PTPRH: variants seen among roughly 807,000 people sequenced by gnomAD.
The protein encoded by PTPRH is receptor-type tyrosine-protein phosphatase H.
In PTPRH, 113 loss-of-function variants were observed where a neutral mutation model predicts 130.2. The observed-to-expected ratio is 0.87, with a 90% CI of 0.75 to 1.01. The LOEUF (loss-of-function observed/expected upper bound fraction) is 1.01. Among genes scored for constraint, PTPRH ranks in the 50% least tolerant of loss-of-function variants. PTPRH has a pLI of 0.00. For synonymous variants in PTPRH, 556 were observed against 577.9 expected (o/e 0.96, Z 0.54); for missense variants, 1,430 against 1,425.0 (o/e 1.00, Z -0.06).
In PTPRH at chr19:55,187,506, G is replaced by GACTC; in HGVS notation, c.2566+3_2566+6dup. The GACTC allele has an allele frequency of 6.2e-7, 1 of 1,608,500 alleles. No homozygotes were observed. Among genetic ancestry groups the GACTC allele is most frequent in the Non-Finnish European group, 8.5e-7 (1 of 1,175,444 alleles). On this transcript the variant is annotated splice_region_variant and intron_variant, in intron 14 of 19. Coordinates refer to ENST00000376350, the MANE Select transcript of PTPRH (RefSeq NM_002842.5). ...TGGGACAAAAGCAGCAGGAACCCGA[G>GACTC]ACTCACAGGGCAGCACATTTCTGTA...
At chr19:55,194,930 G>A (rs905197069) in intron 10 of PTPRH, among the ~76,000 whole-genome samples, 1 of 152,202 alleles carries the variant, frequency 6.6e-6, no homozygotes, top group African/African-American at 2.4e-5. Flanking sequence ...GCTCACACCT[G>A]TAATCCCAAC....
intron 10 of PTPRH, chr19:55,194,266 T>G: frequency 1.2e-5 from 16 of 1,289,664 alleles, no homozygotes; most frequent in Non-Finnish European, 1.6e-5. Flanking sequence ...TCATCAGCCT[T>G]GAAGGCCCCC....
intron 18 of PTPRH, among the ~76,000 whole-genome samples, chr19:55,184,259 G>A (rs1372507815): frequency 6.6e-6 from 1 of 151,856 alleles, no homozygotes; most frequent in East Asian, 1.9e-4. Flanking sequence ...ACTCCAGCCT[G>A]GGCAACAAGA....
chr19:55,198,515 A>T, intron 8 of PTPRH, 128 bp downstream of exon 8: 1 of 1,042,188 alleles, frequency 9.6e-7, no homozygotes, highest in Non-Finnish European at 1.3e-6. Context: ...CTACAGGTTT[A>T]AGCTCCGGCC....
intron 18 of PTPRH, 26 bp from the exon 19 acceptor site, chr19:55,182,177 A>C (rs1353464541): frequency 1.2e-6 from 2 of 1,609,960 alleles, no homozygotes; most frequent in East Asian, 4.5e-5. Context: ...GAAGGGTCAG[A>C]CCAAGGGGCA....
chr19:55,209,372 G>T lies in PTPRH; in HGVS notation c.51+11C>A, dbSNP rs923433541. The T allele has an allele frequency of 1.9e-6, 3 of 1,560,684 alleles. No individual in the cohort carries two copies. The Admixed American group carries it at 5.8e-5, about 30-fold the overall frequency. ...TGCCTTGGGAGCCCGCTCTGGGCGG[G>T]GAGCACTTACCAGCAGCACCAGGTT... On this transcript the variant is annotated intron_variant, in intron 1 of 19. Transcript: ENST00000376350. The surrounding 1 kb of genome is among the most constrained non-coding windows in gnomAD (Gnocchi z 4.1).
At chr19:55,192,926 G>A (rs1458212497) in intron 10 of PTPRH, among the ~76,000 whole-genome samples, 1 of 151,816 alleles carries the variant, frequency 6.6e-6, no homozygotes, top group African/African-American at 2.4e-5. Context: ...CAGGTGACCT[G>A]GTTGCTGAAG....
intron 9 of PTPRH, 115 bp from the exon 10 acceptor site, chr19:55,196,903 A>G (rs2086699954): frequency 1.5e-6 from 2 of 1,332,738 alleles, no homozygotes; most frequent in Admixed American, 4.7e-5. Context: ...AATCCAAACT[A>G]CCTCATCTTC....
At chr19:55,187,474 T>A in intron 14 of PTPRH, 39 bp downstream of exon 14, 1 of 1,545,552 alleles carries the variant, frequency 6.5e-7, no homozygotes, top group Non-Finnish European at 8.9e-7. Context: ...GCCGACTAGA[T>A]CAGGGCTGGG....
At chr19:55,207,269 G>A in intron 1 of PTPRH, 70 bp from the exon 2 acceptor site, 2 of 1,543,480 alleles carry the variant, frequency 1.3e-6, no homozygotes, top group Non-Finnish European at 1.8e-6. Flanking sequence ...CCGAGGGGCT[G>A]GGAGGAGCGG....
chr19:55,191,987 G>A (rs150152817), intron 10 of PTPRH: 16 of 645,942 alleles, frequency 2.5e-5, no homozygotes, highest in East Asian at 3.1e-5. Context: ...CCTACTCAAC[G>A]CGAAGACTAC....
chr19:55,198,855 A>G lies in PTPRH; in HGVS notation c.1478T>C (p.Leu493Ser), dbSNP rs752253808. 6.3e-7 allele frequency: 1 copy of G among 1,575,556 alleles called. No homozygotes were observed. Among genetic ancestry groups the G allele is most frequent in the South Asian group, 1.2e-5 (1 of 85,548 alleles). ...KQDWTNSTIA[L>S]RWTAPQGPGQ... ...TGGGCCCTGGGGAGCTGTCCAGCGC[A>G]AAGCAATGGTGCTGTTGGTCCAGTC... Residue 493 changes from leucine (L) to serine (S), a missense_variant, in exon 8 of 20, where the codon TTG becomes TCG. Physicochemically the swap from Leu to Ser is moderately radical, Grantham distance 145. Coordinates refer to ENST00000376350, the MANE Select transcript of PTPRH (RefSeq NM_002842.5).
intron 4 of PTPRH, among the ~76,000 whole-genome samples, chr19:55,204,592 C>T (rs562832914): frequency 1.3e-5 from 2 of 152,072 alleles, no homozygotes; most frequent in Non-Finnish European, 2.9e-5. Context: ...CACTCCCCCC[C>T]ACCCTTTTTC....
At chr19:55,207,348 C>A (rs374636353) in intron 1 of PTPRH, 149 bp from the exon 2 acceptor site, 6 of 779,490 alleles carry the variant, frequency 7.7e-6, no homozygotes, top group East Asian at 2.7e-5. Context: ...GCTGTCACGA[C>A]CTCGACCGTC....
chr19:55,190,326 T>C (rs542956115), intron 12 of PTPRH, among the ~76,000 whole-genome samples: 4 of 146,240 alleles, frequency 2.7e-5, no homozygotes, highest in African/African-American at 7.6e-5. Flanking sequence ...GCCGAGATCA[T>C]GCCACTGCAC....
In PTPRH at chr19:55,188,148, G is replaced by T. The variant is rs765603936; in HGVS notation, c.2405C>A (p.Ala802Asp). 4 of 1,613,910 alleles carry T rather than the reference G, an allele frequency of 2.5e-6. No individual in the cohort carries two copies. The highest frequency in any genetic ancestry group is 1.3e-5 in the African/African-American group (1 of 74,912). Residue 802 changes from alanine to aspartate, a missense_variant, in exon 13 of 20, where the codon GCT becomes GAT. Ala to Asp is a moderately radical substitution (Grantham distance 126). Coordinates refer to ENST00000376350, the MANE Select transcript of PTPRH (RefSeq NM_002842.5). ...CCTGACGTGGTCAGCGAAGTCTTCA[G>T]CTGGGATGTCCCCTGGGGAGCTACG... Reference protein sequence around the residue: ...LVFSSPGDIPAEDFADHVRKN... With the variant: ...LVFSSPGDIPDEDFADHVRKN...
chr19:55,204,377 C>T (rs1168742740), intron 4 of PTPRH, among the ~76,000 whole-genome samples: 2 of 152,138 alleles, frequency 1.3e-5, no homozygotes, highest in Non-Finnish European at 2.9e-5. Context: ...AGTGCTGGGA[C>T]TACAGGCGTG....
Sources: allele counts gnomAD v4.1 joint callset (sites outside exome capture counted in the v4.1 genomes callset), GRCh38; gene constraint gnomAD v4.1.1; non-coding constraint Gnocchi (gnomAD v3.1); transcripts MANE v1.5; gene names NCBI Gene and HGNC (gene_info 2026-07-23, HGNC 2026-07-21).